The following CCDC171 variants were observed in gnomAD, a reference collection of about 807,000 sequenced individuals.
CCDC171 encodes the protein coiled-coil domain-containing protein 171.
CCDC171 carries 177 observed loss-of-function variants against 168.2 expected under a neutral mutation model. The ratio of observed to expected loss-of-function variants is 1.05; its 90% CI spans 0.93 to 1.19. The LOEUF is 1.19. Ranked by LOEUF, CCDC171 falls within the 50% of genes most tolerant of loss-of-function variation. The pLI is 0.00. For synonymous variants in CCDC171, 687 were observed against 540.8 expected, an observed-to-expected ratio of 1.27 and a Z score of -3.75; for missense variants, 1,991 against 1,539.0, an observed-to-expected ratio of 1.29 and a Z score of -4.91.
At chr9:16,104,249 C>G in the CCDC171 span, among the ~76,000 whole-genome samples, 1 of 152,036 alleles carries the variant, frequency 6.6e-6, no homozygotes, top group Non-Finnish European at 1.5e-5. Context: ...GGCACAGATT[C>G]TCCTCTAAGC....
At chr9:15,845,192 C>T (rs1360693046) in intron 21 of CCDC171, among the ~76,000 whole-genome samples, 2 of 151,980 alleles carry the variant, frequency 1.3e-5, no homozygotes, top group Admixed American at 6.6e-5. Context: ...TTTATCTTAG[C>T]ATTGGCACAA....
intron 18 of CCDC171, among the ~76,000 whole-genome samples, chr9:15,749,210 C>G (rs1223602180): frequency 6.6e-6 from 1 of 151,084 alleles, no homozygotes; most frequent in African/African-American, 2.4e-5. Context: ...CAACAAAGAT[C>G]GAAAGAGACA....
chr9:15,723,736 A>G lies in CCDC171; in HGVS notation c.1481A>G (p.Lys494Arg). ...STKQKIDSHT[K>R]NIKELQDKLA... ...AAACAGAAGATAGACTCTCACACTA[A>G]AAATATAAAGGTATTATTTAGAATA... The change falls in exon 13 of 26, where the codon AAA becomes AGA. Residue 494 changes from lysine (K) to arginine (R), a missense_variant. By Grantham distance (26) the Lys-to-Arg change is conservative (BLOSUM62 2). Transcript: ENST00000380701. The G allele has an allele frequency of 6.7e-7, 1 of 1,494,236 alleles. No homozygotes were observed. Among genetic ancestry groups the G allele is most frequent in the Non-Finnish European group, 9.3e-7 (1 of 1,080,492 alleles). The allele number at this position is 1,494,236 out of a possible 1,614,324, so 92.6% of individuals were successfully genotyped here. A position where few individuals can be genotyped will look rare whatever the true frequency, so the allele number is the denominator to read the frequency against.
chr9:15,888,646 G>A (rs951199404), intron 24 of CCDC171, among the ~76,000 whole-genome samples: 6 of 152,058 alleles, frequency 3.9e-5, no homozygotes, highest in Non-Finnish European at 8.8e-5. Context: ...TTATTATATG[G>A]ATTTGTGTAT....
At chr9:15,741,051 A>G (rs1023028300) in intron 16 of CCDC171, among the ~76,000 whole-genome samples, 1 of 152,118 alleles carries the variant, frequency 6.6e-6, no homozygotes, top group Non-Finnish European at 1.5e-5. Flanking sequence ...GGAATTCTAA[A>G]TGGGGTTTTC....
At chr9:15,915,055 C>G (rs1350197398) in intron 24 of CCDC171, among the ~76,000 whole-genome samples, 1 of 152,124 alleles carries the variant, frequency 6.6e-6, no homozygotes, top group Non-Finnish European at 1.5e-5. Flanking sequence ...CTGCATTGGT[C>G]TTGCTGGGAG....
rs528565837 is a variant in CCDC171 at position 15,584,017 on chromosome 9, C to G, written c.352+4994C>G. 2.0e-5 allele frequency among the ~76,000 whole-genome samples: 3 copies of G among 152,230 alleles called. No homozygotes were observed. In the East Asian group the frequency reaches 5.8e-4, roughly 29 times the overall value. On this transcript the variant is annotated intron_variant, in intron 4 of 25. Transcript: ENST00000380701. ...GAGTGGCTGGGATTACAGGTGCCCA[C>G]CACCACGCCCGGCTAATTTTCTTGT...
In CCDC171 at chr9:15,972,018, T is replaced by C; in HGVS notation, c.*182T>C. The C allele has an allele frequency of 3.8e-6, 2 of 532,754 alleles. No individual in the cohort carries two copies. The highest frequency in any genetic ancestry group is 6.6e-6 in the Non-Finnish European group (2 of 303,894). 33.0% of individuals were successfully genotyped at this position (532,754 alleles called of 1,614,324 possible). A position where few individuals can be genotyped will look rare whatever the true frequency, so the allele number is the denominator to read the frequency against. On this transcript the variant is annotated 3_prime_UTR_variant, in exon 26 of 26. Coordinates refer to ENST00000380701, the MANE Select transcript of CCDC171 (RefSeq NM_173550.4). Reference sequence around the variant, plus strand: ...TTGAATAAGGAAATAGCCAACTTTTTTCTCTCCAAGTTTTATTTGTTATCA... The same window carrying C: ...TTGAATAAGGAAATAGCCAACTTTTCTCTCTCCAAGTTTTATTTGTTATCA...
intron 10 of CCDC171, among the ~76,000 whole-genome samples, chr9:15,686,110 G>C (rs564696559): frequency 8.6e-5 from 13 of 152,040 alleles, no homozygotes; most frequent in Non-Finnish European, 1.9e-4. Flanking sequence ...AATTATTTTT[G>C]AACTAGGAAT....
At chr9:15,886,586 C>T (rs980680152) in intron 24 of CCDC171, 6 of 152,102 alleles carry the variant, frequency 3.9e-5, no homozygotes, top group African/African-American at 9.7e-5. Flanking sequence ...AATAGAACTA[C>T]CATATGATCC....
At chr9:15,936,337 A>T (rs1369103146) in intron 25 of CCDC171, among the ~76,000 whole-genome samples, 2 of 152,030 alleles carry the variant, frequency 1.3e-5, no homozygotes, top group Non-Finnish European at 2.9e-5. Context: ...CCTGAACTTA[A>T]AGAAATTATT....
chr9:15,598,805 A>C (rs2131600106), intron 6 of CCDC171, among the ~76,000 whole-genome samples: 1 of 152,248 alleles, frequency 6.6e-6, no homozygotes, highest in Admixed American at 6.5e-5. Flanking sequence ...TAGGTCTCTA[A>C]GGACTTCCTT....
chr9:16,010,613 T>C lies in CCDC171; in HGVS notation n.369-9976T>C, dbSNP rs559194795. On this transcript the variant is annotated intron_variant and non_coding_transcript_variant, in intron 3 of 9. Coordinates refer to the CCDC171 transcript ENST00000486641. Reference sequence around the variant, plus strand: ...CTTTTCCTTTCCACGCTTCTTCAGCTTCCTCACTACTGACAATATTCTGGT... The same window carrying C: ...CTTTTCCTTTCCACGCTTCTTCAGCCTCCTCACTACTGACAATATTCTGGT... Among the ~76,000 whole-genome samples, 5 of 152,258 alleles carry C rather than the reference T, an allele frequency of 3.3e-5. No homozygotes were observed. In the South Asian group the frequency reaches 6.2e-4, roughly 19 times the overall value.
chr9:15,789,257 T>C (rs1276361774), intron 21 of CCDC171, among the ~76,000 whole-genome samples: 1 of 152,156 alleles, frequency 6.6e-6, no homozygotes, highest in Non-Finnish European at 1.5e-5. Context: ...AACCAGTAAG[T>C]ATATAAATAA....
chr9:15,981,983 C>G (rs1410711264), intron 3 of CCDC171, among the ~76,000 whole-genome samples: 1 of 152,154 alleles, frequency 6.6e-6, no homozygotes, highest in Non-Finnish European at 1.5e-5. Context: ...AAGGCTTATA[C>G]TTCTGTTAAG....
At chr9:16,061,227 G>T (rs1203790617) in exon 2 of CCDC171, 3 of 152,196 alleles carry the variant, frequency 2.0e-5, no homozygotes, top group Admixed American at 2.0e-4. Flanking sequence ...AAGCGAAAAC[G>T]TTAGCCACTA....
intron 2 of CCDC171, among the ~76,000 whole-genome samples, chr9:15,566,685 C>T (rs1250831572): frequency 6.6e-6 from 1 of 152,078 alleles, no homozygotes; most frequent in African/African-American, 2.4e-5. Context: ...TGATGAAGTC[C>T]AGTTTATCAG....
chr9:15,573,766 T>C (rs2040423111), intron 3 of CCDC171, among the ~76,000 whole-genome samples: 4 of 151,960 alleles, frequency 2.6e-5, no homozygotes, highest in African/African-American at 9.7e-5. Flanking sequence ...CTCTATTAAA[T>C]AAATTCTCTC....
chr9:15,566,274 C>A (rs1247641954), intron 2 of CCDC171, among the ~76,000 whole-genome samples: 1 of 151,584 alleles, frequency 6.6e-6, no homozygotes, highest in Non-Finnish European at 1.5e-5. Flanking sequence ...ACATGATTTG[C>A]TGGCCTGGTG....
Sources: gnomAD v4.1 joint callset for allele counts (sites outside exome capture counted in the v4.1 genomes callset) on GRCh38, gnomAD v4.1.1 for gene constraint, MANE v1.5 for transcripts, NCBI Gene and HGNC (gene_info 2026-07-23, HGNC 2026-07-21) for gene names.